SLC26A1: variants seen among roughly 807,000 people sequenced by gnomAD.
The protein encoded by SLC26A1 is sulfate anion transporter 1.
In SLC26A1, 18 loss-of-function variants were observed where a neutral mutation model predicts 14.5. That is an observed-to-expected ratio of 1.24 (90% confidence interval 0.86 to 1.84). The LOEUF (loss-of-function observed/expected upper bound fraction) is 1.84, where lower values mean the gene tolerates loss of function less well. Ranked by LOEUF, SLC26A1 falls within the 40% of genes most tolerant of loss-of-function variation. The pLI is 0.00. For missense variants in SLC26A1, 1,049 were observed against 1,020.0 expected (o/e 1.03, Z -0.39); for synonymous variants, 505 against 492.0 (o/e 1.03, Z -0.35).
Position 988,352 on chromosome 4 carries a change from T to G in SLC26A1, c.*481A>C, listed in dbSNP as rs1577510131. ...CACCCTGTGAGGGGGAGGCACGAGG[T>G]GTGAGGGGCACTTGGGTGTGTGGGG... On this transcript the variant is annotated 3_prime_UTR_variant, in exon 3 of 3. Coordinates refer to ENST00000398516, the MANE Select transcript of SLC26A1 (RefSeq NM_022042.4). The G allele has an allele frequency of 9.3e-7, 1 of 1,078,440 alleles. No homozygotes were observed. The highest frequency in any genetic ancestry group is 1.1e-6 in the Non-Finnish European group (1 of 887,978). The allele number at this position is 1,078,440 out of a possible 1,614,324, so 66.8% of individuals were successfully genotyped here.
chr4:992,220 T>C, intron 1 of SLC26A1: 1 of 457,604 alleles, frequency 2.2e-6, no homozygotes, highest in Non-Finnish European at 4.4e-6. Context: ...TCCACCTCCC[T>C]GGCTCCCCAG....
downstream of SLC26A1, chr4:987,290 T>G (rs1713807931): frequency 2.7e-6 from 4 of 1,486,500 alleles, no homozygotes; most frequent in Middle Eastern, 2.3e-4. Flanking sequence ...CGGGGAGAGC[T>G]CGGGCGCCCC....
At chr4:990,503 A>AC in intron 2 of SLC26A1, 141 bp from the exon 3 acceptor site, 1 of 810,850 alleles carries the variant, frequency 1.2e-6, no homozygotes, top group African/African-American at 1.7e-5. Flanking sequence ...GTTCCAAACC[A>AC]GACTCCTCAC....
At chr4:979,255 C>T (rs1383259510) in exon 3 of SLC26A1, 1 of 608,040 alleles carries the variant, frequency 1.6e-6, no homozygotes, top group African/African-American at 1.8e-5. Context: ...CTTCTCTCCT[C>T]TGCAGGCTGG....
chr4:990,081 G>A lies in SLC26A1; in HGVS notation c.858C>T (p.His286=). ...CCGTGGGCAGCGGCACCCTCAGGCG[G>A]TGTCGGTAGCGGTCTGAGAGCTCCT... ...AAKELSDRYR[H]RLRVPLPTEL... Residue 286 remains histidine, a synonymous_variant, in exon 3 of 3, where the codon CAC becomes CAT. Coordinates refer to ENST00000398516, the MANE Select transcript of SLC26A1 (RefSeq NM_022042.4). 1 of 1,600,072 alleles carries A rather than the reference G, an allele frequency of 6.2e-7. No individual in the cohort carries two copies. Among genetic ancestry groups the A allele is most frequent in the African/African-American group, 1.3e-5 (1 of 74,886 alleles).
chr4:991,791 TC>T (rs1473486180), intron 1 of SLC26A1, 61 bp from the exon 2 acceptor site: 1 of 1,530,674 alleles, frequency 6.5e-7, no homozygotes, highest in Non-Finnish European at 8.7e-7. Context: ...AACGACAAGG[TC>T]CCCGGCAGCA....
intron 2 of SLC26A1, among the ~76,000 whole-genome samples, chr4:980,488 A>G (rs1186455808): frequency 1.3e-5 from 2 of 151,392 alleles, no homozygotes; most frequent in Non-Finnish European, 2.9e-5. Flanking sequence ...TGGGAGGCTG[A>G]GGCAGGAGAA....
intron 2 of SLC26A1, among the ~76,000 whole-genome samples, chr4:981,456 A>G (rs1219574726): frequency 6.6e-6 from 1 of 151,784 alleles, no homozygotes; most frequent in Non-Finnish European, 1.5e-5. Flanking sequence ...CGGACAACAG[A>G]GAGGGACCCT....
Position 988,706 on chromosome 4 carries a change from G to A in SLC26A1, c.*127C>T. On this transcript the variant is annotated 3_prime_UTR_variant, in exon 3 of 3. Coordinates refer to ENST00000398516, the MANE Select transcript of SLC26A1 (RefSeq NM_022042.4). ...AGTTGGGGTTCCCCGGTTTCCCCAG[G>A]GCAGCTGTGGCACAAGAGTGCAGCT... 3.5e-6 allele frequency: 5 copies of A among 1,417,578 alleles called. No homozygotes were observed. The highest frequency in any genetic ancestry group is 2.8e-6 in the Non-Finnish European group (3 of 1,090,186). 87.8% of individuals were successfully genotyped at this position (1,417,578 alleles called of 1,614,324 possible). A position where few individuals can be genotyped will look rare whatever the true frequency, so the allele number is the denominator to read the frequency against.
chr4:992,135 G>A (rs977314900), intron 1 of SLC26A1: 34 of 482,220 alleles, frequency 7.1e-5, no homozygotes, highest in Admixed American at 4.4e-4. Flanking sequence ...CTGCCACCAC[G>A]CACATGTGCC....
rs371639765 is a variant in SLC26A1 at position 989,781 on chromosome 4, T to C, written c.1158A>G (p.Leu386=). The change falls in exon 3 of 3, where the codon CTA becomes CTG. Residue 386 remains leucine, a synonymous_variant. Transcript: ENST00000398516. Reference sequence around the variant, plus strand: ...TGGCGAAGCAGTGGAGGAAGGCGGGTAGCACGTTGCAGCAGCCCACAGCCA... The same window carrying C: ...TGGCGAAGCAGTGGAGGAAGGCGGGCAGCACGTTGCAGCAGCCCACAGCCA... The part of the protein sequence containing the change: ...ELLAVGCCNV[L]PAFLHCFATS... 4.5e-6 allele frequency: 7 copies of C among 1,566,610 alleles called. No homozygotes were observed. Among genetic ancestry groups the C allele is most frequent in the Non-Finnish European group, 6.1e-6 (7 of 1,156,626 alleles).
At position 988,470 on chromosome 4, in the gene SLC26A1, T is replaced by C; in HGVS notation, c.*363A>G. The C allele has an allele frequency of 1.8e-6, 2 of 1,104,122 alleles. No individual in the cohort carries two copies. The highest frequency in any genetic ancestry group is 2.2e-6 in the Non-Finnish European group (2 of 904,794). 68.4% of individuals were successfully genotyped at this position (1,104,122 alleles called of 1,614,324 possible). A position where few individuals can be genotyped will look rare whatever the true frequency, so the allele number is the denominator to read the frequency against. On this transcript the variant is annotated 3_prime_UTR_variant, in exon 3 of 3. Coordinates refer to ENST00000398516, the MANE Select transcript of SLC26A1 (RefSeq NM_022042.4). Reference sequence around the variant, plus strand: ...ACCGGGCAGGCCTGGGCATAGGGAGTCCTCTTGGCACCTTGGAGGCTGCAT... The same window carrying C: ...ACCGGGCAGGCCTGGGCATAGGGAGCCCTCTTGGCACCTTGGAGGCTGCAT...
At position 988,138 on chromosome 4, in the gene SLC26A1, G is replaced by C. The variant is rs1577509743; in HGVS notation, c.*695C>G. ...TGTGCTGGAGGGAGCCCCTGCATGGGGCACGGTGGGCTTCCTGCAGGTCTC... is the reference window on the plus strand; with the variant it reads ...TGTGCTGGAGGGAGCCCCTGCATGGCGCACGGTGGGCTTCCTGCAGGTCTC... On this transcript the variant is annotated 3_prime_UTR_variant, in exon 3 of 3. Transcript: ENST00000398516. The C allele has an allele frequency of 7.1e-7, 1 of 1,406,830 alleles. No individual in the cohort carries two copies. The highest frequency in any genetic ancestry group is 9.2e-7 in the Non-Finnish European group (1 of 1,082,820). 87.1% of individuals were successfully genotyped at this position (1,406,830 alleles called of 1,614,324 possible). A position where few individuals can be genotyped will look rare whatever the true frequency, so the allele number is the denominator to read the frequency against.
chr4:989,151 A>C lies in SLC26A1; in HGVS notation c.1788T>G (p.Val596=). The C allele has an allele frequency of 6.2e-7, 1 of 1,607,612 alleles. No individual in the cohort carries two copies. Among genetic ancestry groups the C allele is most frequent in the Non-Finnish European group, 8.5e-7 (1 of 1,176,724 alleles). Reference sequence around the variant, plus strand: ...CGGGCACCAGCGCAGCCCTGGTGCTAACCGGGCCCAGGTCCTCGCCCTGGG... The same window carrying C: ...CGGGCACCAGCGCAGCCCTGGTGCTCACCGGGCCCAGGTCCTCGCCCTGGG... ...GPAQGEDLGP[V]STRAALVPAA... is the part of the protein sequence containing the mutation. Residue 596 remains valine, a synonymous_variant, in exon 3 of 3, where the codon GTT becomes GTG. Coordinates refer to ENST00000398516, the MANE Select transcript of SLC26A1 (RefSeq NM_022042.4).
intron 1 of SLC26A1, chr4:992,588 A>ATAC: frequency 6.0e-5 from 12 of 199,938 alleles, no homozygotes; most frequent in South Asian, 8.2e-5. Flanking sequence ...CTGGGACGTG[A>ATAC]GGCGCCCTTT....
At chr4:987,145 C>A (rs778952883), downstream of SLC26A1, 36 of 1,411,036 alleles carry the variant, frequency 2.6e-5, no homozygotes, top group African/African-American at 1.1e-4. Flanking sequence ...CCTGGCCGCG[C>A]CCCCGGTGGC....
chr4:988,102 G>C lies in SLC26A1; in HGVS notation c.*731C>G. On this transcript the variant is annotated 3_prime_UTR_variant, in exon 3 of 3. Coordinates refer to ENST00000398516, the MANE Select transcript of SLC26A1 (RefSeq NM_022042.4). Reference sequence around the variant, plus strand: ...AGCGTGTCCTTGCTGGCTGTGCTGGGGTGAGGGCTGTGTGCTGGAGGGAGC... The same window carrying C: ...AGCGTGTCCTTGCTGGCTGTGCTGGCGTGAGGGCTGTGTGCTGGAGGGAGC... 6.9e-7 allele frequency: 1 copy of C among 1,441,452 alleles called. No homozygotes were observed. The highest frequency in any genetic ancestry group is 9.1e-7 in the Non-Finnish European group (1 of 1,098,010). 89.3% of individuals were successfully genotyped at this position (1,441,452 alleles called of 1,614,324 possible).
rs200656880 is a variant in SLC26A1 at position 989,349 on chromosome 4, G to A, written c.1590C>T (p.Gly530=). ...CCCGCACGCCGGGCTCAGGGACGAG[G>A]CCCTCGAACTCTGTGGCATCCTCGT... is the stretch of plus-strand genomic sequence containing the variant. ...AFYEDATEFE[G]LVPEPGVRVF... The change falls in exon 3 of 3, where the codon GGC becomes GGT. Residue 530 remains glycine, a synonymous_variant. Transcript: ENST00000398516. 2.5e-6 allele frequency: 4 copies of A among 1,599,112 alleles called. No individual in the cohort carries two copies. The highest frequency in any genetic ancestry group is 3.4e-5 in the Admixed American group (2 of 58,120).
chr4:991,210 G>T lies in SLC26A1; in HGVS notation c.494C>A (p.Ser165Ter). 21 of 1,606,490 alleles carry T rather than the reference G, an allele frequency of 1.3e-5. No individual in the cohort carries two copies. The highest frequency in any genetic ancestry group is 1.6e-5 in the Non-Finnish European group (19 of 1,175,548). ...ACGCCCGCAGTCCAGCATGGCAGCC[G>T]AGCCGTTGAGGGTGCTGCTGTTGGC... ...PGANSSTLNG[S>*]AAMLDCGRDC... is the part of the protein sequence containing the mutation. Residue 165 changes from serine (S) to a stop codon, truncating the protein, a stop_gained, in exon 2 of 3, where the codon TCG becomes TAG. Transcript: ENST00000398516. LOFTEE classifies it high-confidence loss of function.
Sources: gnomAD v4.1 joint callset for allele counts (sites outside exome capture counted in the v4.1 genomes callset) on GRCh38, gnomAD v4.1.1 for gene constraint, MANE v1.5 for transcripts, NCBI Gene and HGNC (gene_info 2026-07-23, HGNC 2026-07-21) for gene names.